EXOC4: variants seen among roughly 807,000 people sequenced by gnomAD.
The protein encoded by EXOC4 is exocyst complex component 4.
EXOC4 carries 71 observed loss-of-function variants against 107.2 expected under a neutral mutation model. The ratio of observed to expected loss-of-function variants is 0.66; its 90% CI spans 0.55 to 0.81. EXOC4 has a LOEUF of 0.81. Among genes scored for constraint, EXOC4 ranks in the 30% least tolerant of loss-of-function variants. EXOC4 has a pLI of 0.00. For synonymous variants in EXOC4, 456 were observed against 441.2 expected, an observed-to-expected ratio of 1.03 and a Z score of -0.42; for missense variants, 1,108 against 1,189.6, an observed-to-expected ratio of 0.93 and a Z score of 1.01.
intron 9 of EXOC4, among the ~76,000 whole-genome samples, chr7:133,519,377 T>G (rs902269545): frequency 3.3e-5 from 5 of 152,068 alleles, no homozygotes; most frequent in African/African-American, 4.8e-5. Context: ...AAGCTGAGAT[T>G]ATGCCAGTGC....
chr7:133,516,541 C>G (rs191489410), intron 9 of EXOC4, among the ~76,000 whole-genome samples: 2 of 152,168 alleles, frequency 1.3e-5, no homozygotes, highest in Non-Finnish European at 2.9e-5. Flanking sequence ...GAATAATATT[C>G]TGTTGTATGG....
chr7:133,858,163 G>A (rs745940902), intron 11 of EXOC4, among the ~76,000 whole-genome samples: 4 of 152,230 alleles, frequency 2.6e-5, no homozygotes, highest in South Asian at 4.1e-4. Flanking sequence ...CCCACCATTC[G>A]GTGTGTTCTG....
At position 133,671,213 on chromosome 7, in the gene EXOC4, G is replaced by A. The variant is rs1364708635; in HGVS notation, c.1514+41072G>A. Among the ~76,000 whole-genome samples the A allele has an allele frequency of 2.0e-5, 3 of 152,026 alleles. No individual in the cohort carries two copies. The South Asian group carries it at 6.2e-4, about 32-fold the overall frequency. ...TTGAATTTTATCCACAGTGAGATGGGGAGCTATTGGAGAGTTTTGACTAGA... is the reference window on the plus strand; with the variant it reads ...TTGAATTTTATCCACAGTGAGATGGAGAGCTATTGGAGAGTTTTGACTAGA... On this transcript the variant is annotated intron_variant, in intron 10 of 17. Transcript: ENST00000253861.
chr7:133,526,735 G>T (rs1800085776), intron 9 of EXOC4, among the ~76,000 whole-genome samples: 1 of 152,192 alleles, frequency 6.6e-6, no homozygotes, highest in South Asian at 2.1e-4. Context: ...ACTTTGGGAG[G>T]CTGAGATGGG....
intron 17 of EXOC4, among the ~76,000 whole-genome samples, chr7:134,018,575 C>G (rs368202388): frequency 1.3e-5 from 2 of 152,146 alleles, no homozygotes; most frequent in African/African-American, 4.8e-5. Flanking sequence ...TTCTCTGAAA[C>G]CTTCTCCAAT....
intron 9 of EXOC4, among the ~76,000 whole-genome samples, chr7:133,591,117 G>A (rs1801532184): frequency 6.6e-6 from 1 of 151,804 alleles, no homozygotes; most frequent in Non-Finnish European, 1.5e-5. Context: ...CCCACAAAAG[G>A]GCCAAGGGAA....
chr7:133,275,215 C>G (rs767784281), intron 2 of EXOC4, 44 bp downstream of exon 2: 1 of 1,455,846 alleles, frequency 6.9e-7, no homozygotes, highest in Non-Finnish European at 9.2e-7. Context: ...CTTCCCATCA[C>G]TATAGGTGTT....
At chr7:133,476,563 T>G (rs1799018523) in intron 8 of EXOC4, among the ~76,000 whole-genome samples, 1 of 152,230 alleles carries the variant, frequency 6.6e-6, no homozygotes, top group Non-Finnish European at 1.5e-5. Flanking sequence ...TTTAGTGTTT[T>G]TAATAATTAA....
intron 4 of EXOC4, among the ~76,000 whole-genome samples, chr7:133,312,027 A>G (rs1299766821): frequency 4.6e-5 from 7 of 152,214 alleles, no homozygotes; most frequent in Non-Finnish European, 1.0e-4. Context: ...AAATTTGCAT[A>G]TTCTTTGTCC....
intron 10 of EXOC4, among the ~76,000 whole-genome samples, chr7:133,668,813 G>T (rs1793873761): frequency 6.6e-6 from 1 of 152,142 alleles, no homozygotes; most frequent in African/African-American, 2.4e-5. Flanking sequence ...CTGGGCCAGA[G>T]GTGCCTTTCT....
Position 133,805,537 on chromosome 7 carries a change from C to G in EXOC4, c.1515-11788C>G, listed in dbSNP as rs74396184. ...AAACTAGTAGGGAAGACAGATACCTCCATAGCAGAATTCTGTGGACTCAGG... is the reference window on the plus strand; with the variant it reads ...AAACTAGTAGGGAAGACAGATACCTGCATAGCAGAATTCTGTGGACTCAGG... On this transcript the variant is annotated intron_variant, in intron 10 of 17. Coordinates refer to ENST00000253861, the MANE Select transcript of EXOC4 (RefSeq NM_021807.4). 6.1e-3 allele frequency among the ~76,000 whole-genome samples: 927 copies of G among 152,266 alleles called. 6 individuals are homozygous for G. Among genetic ancestry groups the G allele is most frequent in the Middle Eastern group, 0.024 (7 of 294 alleles).
At chr7:133,577,506 A>C (rs1241179465) in intron 9 of EXOC4, among the ~76,000 whole-genome samples, 3 of 152,216 alleles carry the variant, frequency 2.0e-5, no homozygotes, top group Non-Finnish European at 4.4e-5. Context: ...GAGATAACTA[A>C]GGTCCCCAAA....
intron 7 of EXOC4, among the ~76,000 whole-genome samples, chr7:133,447,972 A>G (rs1388099639): frequency 6.6e-6 from 1 of 152,208 alleles, no homozygotes; most frequent in Non-Finnish European, 1.5e-5. Flanking sequence ...TGTACTTTTT[A>G]TTTAGTAGTT....
intron 9 of EXOC4, among the ~76,000 whole-genome samples, chr7:133,578,935 C>G (rs901187114): frequency 6.6e-6 from 1 of 152,132 alleles, no homozygotes; most frequent in African/African-American, 2.4e-5. Flanking sequence ...CTGCCCCTAT[C>G]TGAGAAAATG....
chr7:133,943,707 A>G (rs1256465971), intron 14 of EXOC4, among the ~76,000 whole-genome samples: 1 of 152,166 alleles, frequency 6.6e-6, no homozygotes, highest in East Asian at 1.9e-4. Flanking sequence ...ATTATTGGCA[A>G]ATTTGCATAC....
chr7:134,072,122 T>G, the EXOC4 span, among the ~76,000 whole-genome samples: 1 of 152,218 alleles, frequency 6.6e-6, no homozygotes, highest in South Asian at 2.1e-4. Flanking sequence ...AGTTGGAGGC[T>G]GGAGATAACC....
At chr7:133,371,917 T>G (rs551182381) in intron 6 of EXOC4, among the ~76,000 whole-genome samples, 1 of 152,338 alleles carries the variant, frequency 6.6e-6, no homozygotes, top group Admixed American at 6.5e-5. Flanking sequence ...TGTTTTTGAT[T>G]GTAACCATCC....
chr7:133,292,415 T>C (rs148728435), intron 3 of EXOC4, among the ~76,000 whole-genome samples: 54 of 152,362 alleles, frequency 3.5e-4, no homozygotes, highest in African/African-American at 1.3e-3. Flanking sequence ...AGAGGTATCA[T>C]ATGTATTTTG....
chr7:133,995,870 G>A (rs1794379104), intron 14 of EXOC4, among the ~76,000 whole-genome samples: 1 of 152,258 alleles, frequency 6.6e-6, no homozygotes, highest in East Asian at 1.9e-4. Context: ...CATAAGTGTA[G>A]ACACTACACA....
Sources: gnomAD v4.1 joint callset for allele counts (sites outside exome capture counted in the v4.1 genomes callset) on GRCh38, gnomAD v4.1.1 for gene constraint, MANE v1.5 for transcripts, NCBI Gene and HGNC (gene_info 2026-07-23, HGNC 2026-07-21) for gene names.